The following LURAP1L variants were observed in gnomAD, a reference collection of about 807,000 sequenced individuals.
LURAP1L encodes the protein leucine rich adaptor protein 1-like.
Under a neutral mutation model 13.8 loss-of-function variants are expected in LURAP1L, and 12 were observed. The ratio of observed to expected loss-of-function variants is 0.87; its 90% CI spans 0.56 to 1.41. LURAP1L has a LOEUF of 1.41. Among genes scored for constraint, LURAP1L ranks in the 40% most tolerant of loss-of-function variants. The pLI is 0.00. For missense variants in LURAP1L, 375 were observed against 292.9 expected (o/e 1.28, Z -2.04); for synonymous variants, 139 against 119.2 (o/e 1.17, Z -1.08).
At chr9:12,810,920 A>C (rs1210834983) in intron 1 of LURAP1L, among the ~76,000 whole-genome samples, 1 of 152,224 alleles carries the variant, frequency 6.6e-6, no homozygotes, top group African/African-American at 2.4e-5. Context: ...AAGCATCATA[A>C]AGTATTTCAA....
intron 1 of LURAP1L, among the ~76,000 whole-genome samples, chr9:12,801,347 C>T (rs1046187713): frequency 6.6e-6 from 1 of 151,552 alleles, no homozygotes; most frequent in Non-Finnish European, 1.5e-5. Flanking sequence ...TTAAGAAACT[C>T]GCTCATGGTG....
intron 1 of LURAP1L, among the ~76,000 whole-genome samples, chr9:12,779,559 C>T (rs1007684051): frequency 3.9e-5 from 6 of 152,072 alleles, no homozygotes; most frequent in African/African-American, 1.2e-4. Context: ...CGTGAGCCAC[C>T]GTGTACGGCC....
rs1180132280 is a variant in LURAP1L, at chr9:12,790,242, T to C, written c.312+14215T>C. Reference sequence around the variant, plus strand: ...AAATTTTAGGCTCCCTCTCTTATCTTGGTTAATAATATTGCTCACTATCTT... The same window carrying C: ...AAATTTTAGGCTCCCTCTCTTATCTCGGTTAATAATATTGCTCACTATCTT... On this transcript the variant is annotated intron_variant, in intron 1 of 1. Coordinates refer to ENST00000319264, the MANE Select transcript of LURAP1L (RefSeq NM_203403.2). Among the ~76,000 whole-genome samples the C allele has an allele frequency of 2.0e-5, 3 of 152,276 alleles. No homozygotes were observed. In the East Asian group the frequency reaches 5.8e-4, roughly 29 times the overall value.
At chr9:12,793,579 A>C (rs569286352) in intron 1 of LURAP1L, among the ~76,000 whole-genome samples, 28 of 152,222 alleles carry the variant, frequency 1.8e-4, no homozygotes, top group African/African-American at 6.5e-4. Flanking sequence ...AAAAGGTGGA[A>C]CACATATTCA....
intron 1 of LURAP1L, among the ~76,000 whole-genome samples, chr9:12,793,223 C>A (rs1235745293): frequency 6.6e-6 from 1 of 152,026 alleles, no homozygotes; most frequent in Non-Finnish European, 1.5e-5. Context: ...AAAGTTACCA[C>A]CCTGTCTACC....
intron 1 of LURAP1L, among the ~76,000 whole-genome samples, chr9:12,797,099 A>G (rs1404478624): frequency 1.3e-5 from 2 of 152,086 alleles, no homozygotes; most frequent in Non-Finnish European, 2.9e-5. Flanking sequence ...AACAAAAGCA[A>G]TAAGAAAAAC....
rs748947927 is a variant in LURAP1L, at chr9:12,821,723, G to T, written c.650G>T (p.Arg217Leu). Residue 217 changes from arginine to leucine, a missense_variant, in exon 2 of 2, where the codon CGT (arginine) becomes CTT (leucine). Transcript: ENST00000319264. Reference protein sequence around the residue: ...LIEDSQALHKRPKLDSEYYCF... With the variant: ...LIEDSQALHKLPKLDSEYYCF... ...GAGGACTCACAGGCACTACACAAGC[G>T]TCCTAAATTGGATTCTGAATACTAC... 19 of 1,613,996 alleles carry T rather than the reference G, an allele frequency of 1.2e-5. No individual in the cohort carries two copies. The highest frequency in any genetic ancestry group is 1.6e-5 in the Non-Finnish European group (19 of 1,179,936).
intron 1 of LURAP1L, among the ~76,000 whole-genome samples, chr9:12,811,479 G>T (rs1377800486): frequency 6.6e-6 from 1 of 152,158 alleles, no homozygotes; most frequent in Admixed American, 6.5e-5. Context: ...AAGAAAAGCT[G>T]TCCTCCTGTA....
intron 1 of LURAP1L, among the ~76,000 whole-genome samples, chr9:12,790,290 T>A (rs1819422448): frequency 6.6e-6 from 1 of 152,174 alleles, no homozygotes; most frequent in Admixed American, 6.6e-5. Flanking sequence ...CATAATCACC[T>A]TAGGACAGAG....
chr9:12,781,238 T>C (rs1819265807), intron 1 of LURAP1L, among the ~76,000 whole-genome samples: 2 of 152,228 alleles, frequency 1.3e-5, no homozygotes, highest in Non-Finnish European at 2.9e-5. Flanking sequence ...CCTAAAGTGC[T>C]GGGATTACAG....
chr9:12,805,606 A>G (rs1819646572), intron 1 of LURAP1L, among the ~76,000 whole-genome samples: 1 of 152,212 alleles, frequency 6.6e-6, no homozygotes, highest in Non-Finnish European at 1.5e-5. Context: ...ACAACTAACC[A>G]TATTCTCTGT....
intron 1 of LURAP1L, among the ~76,000 whole-genome samples, 199 bp downstream of exon 1, chr9:12,776,226 T>A (rs1210680518): frequency 6.6e-6 from 1 of 152,098 alleles, no homozygotes; most frequent in Non-Finnish European, 1.5e-5. Flanking sequence ...CCGCGGACTT[T>A]GCTCGGTCAC....
At chr9:12,816,878 A>T (rs1390955088) in intron 1 of LURAP1L, among the ~76,000 whole-genome samples, 1 of 152,098 alleles carries the variant, frequency 6.6e-6, no homozygotes, top group Non-Finnish European at 1.5e-5. Flanking sequence ...ATCTCTTTGG[A>T]CCTTTGGACC....
At position 12,800,877 on chromosome 9, in the gene LURAP1L, T is replaced by C. The variant is rs557731356; in HGVS notation, c.313-20509T>C. Among the ~76,000 whole-genome samples the C allele has an allele frequency of 1.5e-3, 223 of 152,274 alleles. 1 individual carries two copies. Among genetic ancestry groups the C allele is most frequent in the African/African-American group, 5.2e-3 (215 of 41,568 alleles). On this transcript the variant is annotated intron_variant, in intron 1 of 1. Transcript: ENST00000319264. ...TTATAGTAATGTGAGAACAGACTAATACACTTAGTAACCGGCAGCACAGCA... is the reference window on the plus strand; with the variant it reads ...TTATAGTAATGTGAGAACAGACTAACACACTTAGTAACCGGCAGCACAGCA...
intron 1 of LURAP1L, among the ~76,000 whole-genome samples, chr9:12,785,793 C>CAGAAGT (rs1819342151): frequency 1.3e-5 from 2 of 152,274 alleles, no homozygotes; most frequent in South Asian, 4.1e-4. Context: ...CTCTTCAGTG[C>CAGAAGT]CTTCTTCCTT....
At chr9:12,804,761 G>A (rs1401844021) in intron 1 of LURAP1L, among the ~76,000 whole-genome samples, 3 of 152,262 alleles carry the variant, frequency 2.0e-5, no homozygotes, top group Middle Eastern at 3.4e-3. Flanking sequence ...AGGATGAAAA[G>A]ATGGTTAAAG....
rs1586889896 is a variant in LURAP1L, at chr9:12,821,521, T to C, written c.448T>C (p.Cys150Arg). The C allele has an allele frequency of 3.7e-6, 6 of 1,614,212 alleles. No individual in the cohort carries two copies. The highest frequency in any genetic ancestry group is 5.1e-6 in the Non-Finnish European group (6 of 1,180,054). ...SRGSSLSGSL[C>R]SLLESQSTSL... ...AGGCAGCAGCCTCAGTGGCAGCCTG[T>C]GCAGTTTGTTGGAGAGTCAGAGCAC... The change falls in exon 2 of 2, where the codon TGC becomes CGC. Residue 150 changes from cysteine to arginine, a missense_variant. Coordinates refer to ENST00000319264, the MANE Select transcript of LURAP1L (RefSeq NM_203403.2).
At chr9:12,815,235 C>A (rs1214996485) in intron 1 of LURAP1L, among the ~76,000 whole-genome samples, 1 of 152,078 alleles carries the variant, frequency 6.6e-6, no homozygotes, top group African/African-American at 2.4e-5. Flanking sequence ...GGAGAGAGGG[C>A]AAATTTGAAC....
At chr9:12,793,124 T>C (rs1280518121) in intron 1 of LURAP1L, among the ~76,000 whole-genome samples, 1 of 151,986 alleles carries the variant, frequency 6.6e-6, no homozygotes, top group Non-Finnish European at 1.5e-5. Flanking sequence ...CTTATAATGA[T>C]TTAGAAGTAG....
Sources: gnomAD v4.1 joint callset for allele counts (sites outside exome capture counted in the v4.1 genomes callset) on GRCh38, gnomAD v4.1.1 for gene constraint, MANE v1.5 for transcripts, NCBI Gene and HGNC (gene_info 2026-07-23, HGNC 2026-07-21) for gene names.